Variants in KCNN2 observed in about 807,000 individuals in gnomAD.
KCNN2 encodes the protein small conductance calcium-activated potassium channel protein 2.
KCNN2 carries 24 observed loss-of-function variants against 55.5 expected under a neutral mutation model. The observed-to-expected ratio is 0.43, with a 90% confidence interval of 0.31 to 0.61. The LOEUF (loss-of-function observed/expected upper bound fraction) is 0.61, where lower values mean the gene tolerates loss of function less well. KCNN2 is among the 20% of genes least tolerant of loss of function. The pLI is 0.08. For missense variants in KCNN2, 754 were observed against 853.6 expected (o/e 0.88, Z 1.45); for synonymous variants, 431 against 336.1 (o/e 1.28, Z -3.09).
At chr5:114,462,220 T>A (rs1039374704) in intron 3 of KCNN2, among the ~76,000 whole-genome samples, 5 of 152,202 alleles carry the variant, frequency 3.3e-5, no homozygotes, top group African/African-American at 1.2e-4. Flanking sequence ...GGTTACTGTT[T>A]CGTACTGTTA....
rs1333267051 is a variant in KCNN2 at position 114,449,877 on chromosome 5, CAT to C, written c.1638-13170_1638-13169del. On this transcript the variant is annotated intron_variant, in intron 3 of 7. Transcript: ENST00000673685. ...ATTTAGAATAGAGTAAGCATCCAAA[CAT>C]ACACACACACACACACACACACACA... is the stretch of plus-strand genomic sequence containing the variant. Among the ~76,000 whole-genome samples the C allele has an allele frequency of 1.5e-4, 6 of 39,882 alleles. No individual in the cohort carries two copies. In the Admixed American group the frequency reaches 1.9e-3, roughly 12 times the overall value. 26.2% of individuals were successfully genotyped at this position (39,882 alleles called of 152,430 possible).
intron 1 of KCNN2, among the ~76,000 whole-genome samples, chr5:114,076,496 A>C (rs187798266): frequency 6.6e-6 from 1 of 152,206 alleles, no homozygotes; most frequent in African/African-American, 2.4e-5. Context: ...TTCATTTTAT[A>C]AAAGGATCCT....
intron 2 of KCNN2, among the ~76,000 whole-genome samples, chr5:114,233,610 A>G (rs559907136): frequency 6.6e-6 from 1 of 152,154 alleles, no homozygotes; most frequent in Non-Finnish European, 1.5e-5. Flanking sequence ...CTGAACAGAT[A>G]TATACAGTAT....
chr5:114,350,816 A>T (rs189952177), intron 2 of KCNN2, among the ~76,000 whole-genome samples: 2 of 151,974 alleles, frequency 1.3e-5, no homozygotes, highest in East Asian at 3.9e-4. Context: ...TTGGTCCTAC[A>T]TATCTATGTT....
chr5:114,126,110 C>G (rs534495097), intron 1 of KCNN2, among the ~76,000 whole-genome samples: 1 of 152,010 alleles, frequency 6.6e-6, no homozygotes, highest in African/African-American at 2.4e-5. Flanking sequence ...CATCATTTTC[C>G]AGCTGTGAGC....
rs1403407006 is a variant in KCNN2, at chr5:114,158,036, C to T, written c.-270-63444C>T. The stretch of plus-strand genomic sequence containing the variant: ...GATCCCATTTGTCAATTTTGGCTTT[C>T]GTTGCCTTTGCTTTTCGTGTTTTAG... On this transcript the variant is annotated intron_variant, in intron 1 of 10. Transcript: ENST00000512097. Among the ~76,000 whole-genome samples the T allele has an allele frequency of 2.8e-4, 43 of 152,134 alleles. No individual in the cohort carries two copies. The East Asian group carries it at 3.1e-3, about 11-fold the overall frequency.
intron 1 of KCNN2, among the ~76,000 whole-genome samples, chr5:114,162,953 G>A (rs554043977): frequency 1.3e-5 from 2 of 152,256 alleles, no homozygotes; most frequent in South Asian, 4.1e-4. Context: ...CACTTCCCGG[G>A]TGAGGCGATG....
Position 114,231,943 on chromosome 5 carries a change from C to G in KCNN2, c.-185+10378C>G, listed in dbSNP as rs534903195. Among the ~76,000 whole-genome samples, 4 of 150,726 alleles carry G rather than the reference C, an allele frequency of 2.7e-5. No homozygotes were observed. In the East Asian group the frequency reaches 7.7e-4, roughly 29 times the overall value. On this transcript the variant is annotated intron_variant, in intron 2 of 10. Transcript: ENST00000512097. ...TAATTGGATTGGAGGCTATTAGCAT[C>G]TGACTTGGCAAAAATCAGTTTAAAT... is the stretch of plus-strand genomic sequence containing the variant.
chr5:114,248,201 G>T (rs920544134), intron 2 of KCNN2, among the ~76,000 whole-genome samples: 1 of 152,150 alleles, frequency 6.6e-6, no homozygotes, highest in Non-Finnish European at 1.5e-5. Flanking sequence ...ATATTAGGGG[G>T]TTAGGATGAT....
At chr5:114,330,384 C>G (rs1756794612) in intron 2 of KCNN2, among the ~76,000 whole-genome samples, 1 of 152,162 alleles carries the variant, frequency 6.6e-6, no homozygotes, top group South Asian at 2.1e-4. Context: ...ATTTTTGAAT[C>G]CCTAGCAATA....
At chr5:114,365,343 A>G (rs1757569006) in intron 2 of KCNN2, among the ~76,000 whole-genome samples, 1 of 152,268 alleles carries the variant, frequency 6.6e-6, no homozygotes, top group South Asian at 2.1e-4. Context: ...AACAGTTTAC[A>G]TAGATTCATC....
chr5:114,390,154 T>G (rs1007201827), intron 2 of KCNN2, among the ~76,000 whole-genome samples: 7 of 152,186 alleles, frequency 4.6e-5, no homozygotes, highest in Admixed American at 3.9e-4. Flanking sequence ...CTATAATGCT[T>G]CAAATGAAAA....
rs574502396 is a variant in KCNN2, at chr5:114,337,023, AT to A, written c.-184-23915del. On this transcript the variant is annotated intron_variant, in intron 2 of 10. Transcript: ENST00000512097. ...GTAGTAATATGATCTGATTTTTGAT[AT>A]TTTTTTAAAAACACCTCATCTTCTG... Among the ~76,000 whole-genome samples the A allele has an allele frequency of 1.4e-3, 217 of 152,230 alleles. 1 individual carries two copies. Among genetic ancestry groups the A allele is most frequent in the African/African-American group, 5.1e-3 (210 of 41,530 alleles).
intron 4 of KCNN2, among the ~76,000 whole-genome samples, chr5:114,471,138 G>A (rs901574721): frequency 2.6e-5 from 4 of 152,044 alleles, no homozygotes; most frequent in Non-Finnish European, 2.9e-5. Flanking sequence ...ATGCATTATG[G>A]CTATGGAATA....
intron 2 of KCNN2, among the ~76,000 whole-genome samples, chr5:114,283,743 C>T (rs1204198528): frequency 6.6e-6 from 1 of 152,096 alleles, no homozygotes; most frequent in Admixed American, 6.5e-5. Context: ...TTTTTGTATT[C>T]CAGGTACCTG....
intron 2 of KCNN2, among the ~76,000 whole-genome samples, chr5:114,349,445 A>G (rs1423935531): frequency 6.6e-6 from 1 of 152,148 alleles, no homozygotes; most frequent in Non-Finnish European, 1.5e-5. Context: ...CTTATTGTAT[A>G]AAATTACCTT....
chr5:114,162,633 G>A (rs1253171779), intron 1 of KCNN2, among the ~76,000 whole-genome samples: 12 of 152,200 alleles, frequency 7.9e-5, no homozygotes, highest in Admixed American at 7.9e-4. Context: ...GCCTCCTTGA[G>A]CTGTGGTGGG....
intron 2 of KCNN2, among the ~76,000 whole-genome samples, chr5:114,390,108 A>T (rs1452370508): frequency 6.6e-6 from 1 of 152,198 alleles, no homozygotes; most frequent in Non-Finnish European, 1.5e-5. Flanking sequence ...AACTAAGGTG[A>T]TGCTAATACA....
At position 114,229,869 on chromosome 5, in the gene KCNN2, G is replaced by C. The variant is rs544159606; in HGVS notation, c.-185+8304G>C. On this transcript the variant is annotated intron_variant, in intron 2 of 10. Coordinates refer to the KCNN2 transcript ENST00000512097. ...AGCCAGAAACAAGAGTATGGAAGGA[G>C]AGGCTGAAACAGAAACAAACCCTAG... Among the ~76,000 whole-genome samples, 5 of 152,254 alleles carry C rather than the reference G, an allele frequency of 3.3e-5. No individual in the cohort carries two copies. The South Asian group carries it at 1.0e-3, about 32-fold the overall frequency.
Sources: allele counts gnomAD v4.1 joint callset (sites outside exome capture counted in the v4.1 genomes callset), GRCh38; gene constraint gnomAD v4.1.1; transcripts MANE v1.5; gene names NCBI Gene and HGNC (gene_info 2026-07-23, HGNC 2026-07-21).